The following EPHA5 variants were observed in gnomAD, a reference collection of about 807,000 sequenced individuals.
The protein encoded by EPHA5 is EPH receptor A5.
A neutral mutation model predicts 105.0 loss-of-function variants in EPHA5; 60 were observed. The observed-to-expected ratio is 0.57, with a 90% CI of 0.46 to 0.71. The LOEUF is 0.71. Ranked by LOEUF, EPHA5 falls within the 30% of genes least tolerant of loss-of-function variation. The probability of loss-of-function intolerance (pLI) is 0.00; values close to 1 mark genes in which losing one functional copy is unlikely to be tolerated. For missense variants in EPHA5, 1,218 were observed against 1,274.7 expected (o/e 0.96, Z 0.68); for synonymous variants, 513 against 449.1 (o/e 1.14, Z -1.80).
intron 1 of EPHA5, among the ~76,000 whole-genome samples, chr4:65,666,415 C>A (rs968463004): frequency 6.6e-6 from 1 of 152,156 alleles, no homozygotes; most frequent in African/African-American, 2.4e-5. Flanking sequence ...TCAAATAATG[C>A]TTGTTTACAA....
chr4:65,503,736 T>G (rs1021328141), intron 3 of EPHA5, among the ~76,000 whole-genome samples: 1 of 151,768 alleles, frequency 6.6e-6, no homozygotes, highest in Non-Finnish European at 1.5e-5. Context: ...CAAATATAAT[T>G]AAGACATTTT....
chr4:65,542,785 G>A (rs1736974785), intron 3 of EPHA5, among the ~76,000 whole-genome samples: 1 of 150,830 alleles, frequency 6.6e-6, no homozygotes, highest in African/African-American at 2.4e-5. Context: ...AAAAACTTCA[G>A]TCCAACATCC....
In EPHA5 at chr4:65,365,997, G is replaced by A. The variant is rs1458893557; in HGVS notation, c.1922C>T (p.Ala641Val). 6.2e-7 allele frequency: 1 copy of A among 1,609,206 alleles called. No homozygotes were observed. Among genetic ancestry groups the A allele is most frequent in the Non-Finnish European group, 8.5e-7 (1 of 1,176,578 alleles). ...DPHTYEDPNQ[A>V]VHEFAKEIEA... is the part of the protein sequence containing the mutation. ...TATCTCCTTAGCAAATTCGTGGACA[G>A]CTTGATTGGGATCCTCATAGGTATG... The change falls in exon 10 of 17, where the codon GCT (alanine) becomes GTT (valine). Residue 641 changes from alanine (A) to valine (V), a missense_variant. Ala to Val is a moderately conservative substitution (Grantham distance 64). Around this residue, in one of 3 missense-constraint regions of EPHA5, gnomAD observed 971 missense variants for 1,013.5 expected, o/e 0.96. Coordinates refer to ENST00000613740, the MANE Select transcript of EPHA5 (RefSeq NM_001281766.3).
intron 14 of EPHA5, among the ~76,000 whole-genome samples, chr4:65,340,565 GA>G (rs1721613535): frequency 6.6e-6 from 1 of 152,096 alleles, no homozygotes; most frequent in Non-Finnish European, 1.5e-5. Context: ...AGATCATAGT[GA>G]GGGGGATTCA....
At chr4:65,579,954 C>A (rs995263671) in intron 3 of EPHA5, among the ~76,000 whole-genome samples, 1 of 151,680 alleles carries the variant, frequency 6.6e-6, no homozygotes, top group Non-Finnish European at 1.5e-5. Flanking sequence ...TTCTATCATG[C>A]GAAATTTAAT....
rs552996409 is a variant in EPHA5 at position 65,637,828 on chromosome 4, T to C, written c.246+5535A>G. ...CCAATAAATATTTATTGAAGTTCTA[T>C]TACAAGCCAGAAATTGAGTCAAGTT... is the stretch of plus-strand genomic sequence containing the variant. On this transcript the variant is annotated intron_variant, in intron 2 of 16. Coordinates refer to ENST00000613740, the MANE Select transcript of EPHA5 (RefSeq NM_001281766.3). Among the ~76,000 whole-genome samples the C allele has an allele frequency of 4.3e-4, 66 of 152,118 alleles. No homozygotes were observed. In the South Asian group the frequency reaches 0.011, roughly 25 times the overall value.
intron 3 of EPHA5, among the ~76,000 whole-genome samples, chr4:65,521,419 A>C (rs1734703547): frequency 6.6e-6 from 1 of 152,084 alleles, no homozygotes; most frequent in South Asian, 2.1e-4. Flanking sequence ...AATATACCTA[A>C]TGTAAATGAT....
At chr4:65,537,046 T>C (rs1440384583) in intron 3 of EPHA5, among the ~76,000 whole-genome samples, 1 of 151,740 alleles carries the variant, frequency 6.6e-6, no homozygotes, top group Non-Finnish European at 1.5e-5. Flanking sequence ...AAATTTTCCA[T>C]AAAACCCTTG....
intron 3 of EPHA5, among the ~76,000 whole-genome samples, chr4:65,552,224 A>G (rs1737988615): frequency 6.6e-6 from 1 of 152,224 alleles, no homozygotes; most frequent in South Asian, 2.1e-4. Flanking sequence ...GCATTGTTCC[A>G]GTTCTTTGAA....
intron 3 of EPHA5, among the ~76,000 whole-genome samples, chr4:65,508,128 T>G (rs1038380750): frequency 6.6e-6 from 1 of 152,142 alleles, no homozygotes; most frequent in Non-Finnish European, 1.5e-5. Flanking sequence ...TGTGTTAACA[T>G]GAATGTTTAT....
intron 3 of EPHA5, among the ~76,000 whole-genome samples, chr4:65,534,696 A>G (rs982382320): frequency 2.6e-5 from 4 of 152,170 alleles, no homozygotes; most frequent in Admixed American, 1.3e-4. Flanking sequence ...TAAATTACAC[A>G]AGTTGACTCA....
intron 16 of EPHA5, chr4:65,330,703 T>C (rs565725388): frequency 3.4e-6 from 3 of 885,734 alleles, no homozygotes; most frequent in Non-Finnish European, 4.1e-6. Context: ...ATAGCAATCA[T>C]GTAAAAATAG....
chr4:65,583,279 C>T (rs1163157797), intron 3 of EPHA5, among the ~76,000 whole-genome samples: 2 of 151,316 alleles, frequency 1.3e-5, no homozygotes, highest in African/African-American at 4.8e-5. Flanking sequence ...ATTATTAAAG[C>T]TTTCTCTGTA....
At chr4:65,588,485 C>A (rs539278083) in intron 3 of EPHA5, among the ~76,000 whole-genome samples, 1 of 152,254 alleles carries the variant, frequency 6.6e-6, no homozygotes, top group South Asian at 2.1e-4. Context: ...GGGGAACAGT[C>A]TGGCTGGTCT....
intron 5 of EPHA5, among the ~76,000 whole-genome samples, chr4:65,470,166 T>G (rs1245897156): frequency 6.6e-6 from 1 of 151,704 alleles, no homozygotes; most frequent in Admixed American, 6.6e-5. Context: ...TGAAGAAGTC[T>G]GTGAAGAGTT....
chr4:65,464,902 T>C (rs999265228), intron 5 of EPHA5, among the ~76,000 whole-genome samples: 1 of 152,144 alleles, frequency 6.6e-6, no homozygotes, highest in African/African-American at 2.4e-5. Flanking sequence ...ATACCTATTA[T>C]ATGTTAAAAC....
In EPHA5 at chr4:65,326,127, T is replaced by C. The variant is rs989127494; in HGVS notation, c.2946-1908A>G. Among the ~76,000 whole-genome samples, 45 of 150,412 alleles carry C rather than the reference T, an allele frequency of 3.0e-4. 1 individual carries two copies. Among genetic ancestry groups the C allele is most frequent in the African/African-American group, 6.8e-4 (28 of 41,272 alleles). ...ACACACCAATTTAGACACATATAAA[T>C]TGGTGACATTTAATAGACATACATC... is the stretch of plus-strand genomic sequence containing the variant. On this transcript the variant is annotated intron_variant, in intron 16 of 16. Transcript: ENST00000613740.
At chr4:65,621,291 C>T (rs955288874) in intron 2 of EPHA5, among the ~76,000 whole-genome samples, 19 of 152,090 alleles carry the variant, frequency 1.2e-4, no homozygotes, top group Non-Finnish European at 2.6e-4. Context: ...GATACCTAGA[C>T]CAGAAGCAGC....
intron 3 of EPHA5, among the ~76,000 whole-genome samples, chr4:65,524,225 G>C (rs932578954): frequency 6.6e-6 from 1 of 151,636 alleles, no homozygotes; most frequent in African/African-American, 2.4e-5. Flanking sequence ...AAGGTATACT[G>C]TTTCAAAGTG....
Sources: allele counts gnomAD v4.1 joint callset (sites outside exome capture counted in the v4.1 genomes callset), GRCh38; gene constraint gnomAD v4.1.1; regional missense constraint gnomAD v4.1.1; transcripts MANE v1.5; gene names NCBI Gene and HGNC (gene_info 2026-07-23, HGNC 2026-07-21).